Variants in BLK observed in about 807,000 individuals in gnomAD.
The protein encoded by BLK is BLK proto-oncogene, Src family tyrosine kinase.
A neutral mutation model predicts 61.8 loss-of-function variants in BLK; 64 were observed. The observed-to-expected ratio is 1.03, with a 90% CI of 0.85 to 1.27. BLK has a LOEUF of 1.27. Among genes scored for constraint, BLK ranks in the 50% most tolerant of loss-of-function variants. The pLI is 0.00. For missense variants in BLK, 853 were observed against 660.5 expected (o/e 1.29, Z -3.19); for synonymous variants, 351 against 272.0 (o/e 1.29, Z -2.86).
At chr8:11,547,220 C>A (rs1460360200) in intron 3 of BLK, among the ~76,000 whole-genome samples, 1 of 152,256 alleles carries the variant, frequency 6.6e-6, no homozygotes, top group Non-Finnish European at 1.5e-5. Flanking sequence ...GAACCTGAAT[C>A]TTAAAACTTC....
chr8:11,519,030 C>G (rs1799336755), intron 1 of BLK, among the ~76,000 whole-genome samples: 1 of 152,172 alleles, frequency 6.6e-6, no homozygotes, highest in African/African-American at 2.4e-5. Flanking sequence ...TGGCACTTAC[C>G]TCTCCTAGAA....
At chr8:11,516,564 A>G (rs1312291002) in intron 1 of BLK, among the ~76,000 whole-genome samples, 1 of 152,166 alleles carries the variant, frequency 6.6e-6, no homozygotes, top group Non-Finnish European at 1.5e-5. Flanking sequence ...TATCTGTTAT[A>G]GCAGCCCTGT....
intron 1 of BLK, among the ~76,000 whole-genome samples, chr8:11,497,551 G>A (rs995974912): frequency 2.6e-5 from 4 of 152,192 alleles, no homozygotes; most frequent in African/African-American, 9.7e-5. Flanking sequence ...ACAAGGACAT[G>A]CCCTACATGT....
rs762537605 is a variant in BLK, at chr8:11,563,959, C to T, written c.1369C>T (p.Pro457Ser). ...GGAGCGCGGCTACCGCATGCCGCGC[C>T]CCGACACCTGCCCGCCCGAGCTGTA... ...NLERGYRMPR[P>S]DTCPPELYRG... The change falls in exon 13 of 13, where the codon CCC (proline) becomes TCC (serine). Residue 457 changes from proline (P) to serine (S), a missense_variant. By Grantham distance (74) the Pro-to-Ser change is moderately conservative. Coordinates refer to ENST00000259089, the MANE Select transcript of BLK (RefSeq NM_001715.3). 1.2e-6 allele frequency: 2 copies of T among 1,606,892 alleles called. No homozygotes were observed. Among genetic ancestry groups the T allele is most frequent in the Admixed American group, 3.3e-5 (2 of 59,932 alleles).
At chr8:11,518,303 C>T (rs748380694) in intron 1 of BLK, among the ~76,000 whole-genome samples, 2 of 152,182 alleles carry the variant, frequency 1.3e-5, no homozygotes, top group Non-Finnish European at 2.9e-5. Context: ...CTTAGGCTTC[C>T]CAGAGTGAAT....
At position 11,503,734 on chromosome 8, in the gene BLK, G is replaced by A. The variant is rs115555127; in HGVS notation, c.-2+9143G>A. 9.3e-3 allele frequency among the ~76,000 whole-genome samples: 1,413 copies of A among 152,292 alleles called. 9 individuals are homozygous for A. Among genetic ancestry groups the A allele is most frequent in the Middle Eastern group, 0.044 (13 of 294 alleles). On this transcript the variant is annotated intron_variant, in intron 1 of 12. Coordinates refer to ENST00000259089, the MANE Select transcript of BLK (RefSeq NM_001715.3). ...ACTGGAGGTTCCTATGTGCAGGTGT[G>A]GAGGATGGAAGAGGTCACTCTGTCC... is the stretch of plus-strand genomic sequence containing the variant.
chr8:11,498,250 T>G (rs750217136), intron 1 of BLK, among the ~76,000 whole-genome samples: 2 of 152,172 alleles, frequency 1.3e-5, no homozygotes, highest in Non-Finnish European at 2.9e-5. Flanking sequence ...AAAGTTTGTG[T>G]ATGTGTGAAA....
chr8:11,545,967 G>C, intron 2 of BLK, 85 bp from the exon 3 acceptor site: 1 of 1,430,384 alleles, frequency 7.0e-7, no homozygotes, highest in Non-Finnish European at 9.9e-7. Flanking sequence ...AGATACCCTG[G>C]CTGCCCGGCT....
chr8:11,533,199 A>G (rs1327220848), intron 1 of BLK, among the ~76,000 whole-genome samples: 5 of 152,196 alleles, frequency 3.3e-5, no homozygotes, highest in Non-Finnish European at 7.3e-5. Context: ...CCACTCAGTA[A>G]TTACAATCAA....
At chr8:11,535,394 T>C (rs1236432460) in intron 1 of BLK, among the ~76,000 whole-genome samples, 1 of 152,208 alleles carries the variant, frequency 6.6e-6, no homozygotes, top group Non-Finnish European at 1.5e-5. Context: ...TAGCTGTGAA[T>C]GACTGTAGCA....
chr8:11,564,462 T>TCTGCGCCCTGCGTGGACCCCGCCC lies in BLK; in HGVS notation c.*355_*378dup, dbSNP rs1563129090. 1.8e-6 allele frequency: 1 copy of TCTGCGCCCTGCGTGGACCCCGCCC among 546,264 alleles called. No individual in the cohort carries two copies. The highest frequency in any genetic ancestry group is 3.5e-6 in the Non-Finnish European group (1 of 285,076). 33.8% of individuals were successfully genotyped at this position (546,264 alleles called of 1,614,324 possible). ...CCCCCGTGCTGGCCGCGTCCCCGCC[T>TCTGCGCCCTGCGTGGACCCCGCCC]CTGCGCCCTGCGTGGACCCCGCCCT... On this transcript the variant is annotated 3_prime_UTR_variant, in exon 13 of 13. Transcript: ENST00000259089.
intron 3 of BLK, among the ~76,000 whole-genome samples, chr8:11,547,500 G>A (rs569327494): frequency 6.6e-6 from 1 of 152,338 alleles, no homozygotes; most frequent in South Asian, 2.1e-4. Flanking sequence ...AAGGTGGGGG[G>A]CCCGGCAGGG....
At position 11,556,789 on chromosome 8, in the gene BLK, G is replaced by T. The variant is rs771604015; in HGVS notation, c.904G>T (p.Val302Leu). 1 of 1,614,112 alleles carries T rather than the reference G, an allele frequency of 6.2e-7. No homozygotes were observed. The highest frequency in any genetic ancestry group is 1.3e-5 in the African/African-American group (1 of 74,938). ...QHERLVRLYAVVTKEPIYIVT... is the reference protein window; with the variant it reads ...QHERLVRLYALVTKEPIYIVT... The stretch of plus-strand genomic sequence containing the variant: ...CGAGCGGCTGGTCCGACTCTACGCA[G>T]TGGTCACCAAGGAGCCCATCTACAT... Residue 302 changes from valine to leucine, a missense_variant, in exon 9 of 13, where the codon GTG (valine) becomes TTG (leucine). Coordinates refer to ENST00000259089, the MANE Select transcript of BLK (RefSeq NM_001715.3).
intron 1 of BLK, among the ~76,000 whole-genome samples, chr8:11,497,440 A>C (rs1798400632): frequency 6.6e-6 from 1 of 152,006 alleles, no homozygotes; most frequent in African/African-American, 2.4e-5. Flanking sequence ...CCTCCCAGTC[A>C]CAGTGCCCAA....
chr8:11,499,967 C>A (rs185844080), intron 1 of BLK, among the ~76,000 whole-genome samples: 36 of 152,056 alleles, frequency 2.4e-4, no homozygotes, highest in African/African-American at 7.7e-4. Context: ...TCTGGAAACA[C>A]TAGGAAATGA....
rs1232511632 is a variant in BLK at position 11,533,494 on chromosome 8, T to G, written c.-1-9730T>G. 2.0e-5 allele frequency among the ~76,000 whole-genome samples: 3 copies of G among 151,882 alleles called. No individual in the cohort carries two copies. In the East Asian group the frequency reaches 5.8e-4, roughly 29 times the overall value. Reference sequence around the variant, plus strand: ...CAGATGTGTATCTGGGTAAGATACGTGTGAACCTCCGTGGGAAAGACCAAG... The same window carrying G: ...CAGATGTGTATCTGGGTAAGATACGGGTGAACCTCCGTGGGAAAGACCAAG... On this transcript the variant is annotated intron_variant, in intron 1 of 12. Transcript: ENST00000259089.
intron 1 of BLK, among the ~76,000 whole-genome samples, chr8:11,516,763 TC>T (rs1321702145): frequency 2.0e-5 from 3 of 152,218 alleles, no homozygotes; most frequent in African/African-American, 7.2e-5. Flanking sequence ...TGCCAGAATT[TC>T]CTTCCTTTGT....
At chr8:11,512,038 A>G (rs1405420083) in intron 1 of BLK, among the ~76,000 whole-genome samples, 3 of 152,226 alleles carry the variant, frequency 2.0e-5, no homozygotes, top group Admixed American at 6.5e-5. Flanking sequence ...TCTACAATGT[A>G]TCAAGTGGTA....
intron 1 of BLK, among the ~76,000 whole-genome samples, chr8:11,541,397 C>G (rs1466537365): frequency 6.6e-6 from 1 of 152,042 alleles, no homozygotes; most frequent in African/African-American, 2.4e-5. Flanking sequence ...TAATTTATTA[C>G]ATTGACAAAT....
Sources: allele counts gnomAD v4.1 joint callset (sites outside exome capture counted in the v4.1 genomes callset), GRCh38; gene constraint gnomAD v4.1.1; transcripts MANE v1.5; gene names NCBI Gene and HGNC (gene_info 2026-07-23, HGNC 2026-07-21).